The following AGBL1 variants were observed in gnomAD, a reference collection of about 807,000 sequenced individuals.
The protein encoded by AGBL1 is cytosolic carboxypeptidase 4.
A neutral mutation model predicts 118.9 loss-of-function variants in AGBL1; 130 were observed. The ratio of observed to expected loss-of-function variants is 1.09; its 90% CI spans 0.95 to 1.26. The LOEUF is 1.26. AGBL1 is among the 50% of genes most tolerant of loss of function. The pLI is 0.00. For missense variants in AGBL1, 1,584 were observed against 1,298.1 expected, an observed-to-expected ratio of 1.22 and a Z score of -3.38; for synonymous variants, 555 against 478.9, an observed-to-expected ratio of 1.16 and a Z score of -2.08.
At chr15:86,283,856 G>A (rs1009400348) in intron 16 of AGBL1, among the ~76,000 whole-genome samples, 1 of 151,978 alleles carries the variant, frequency 6.6e-6, no homozygotes, top group African/African-American at 2.4e-5. Flanking sequence ...CAGGGTCTTG[G>A]GCACAAAGAA....
chr15:86,200,534 A>C, intron 5 of AGBL1, among the ~76,000 whole-genome samples: 2 of 137,382 alleles, frequency 1.5e-5, no homozygotes, highest in South Asian at 2.4e-4. Flanking sequence ...ATCCTACTCT[A>C]GAGTAATAGA....
intron 1 of AGBL1, among the ~76,000 whole-genome samples, chr15:86,096,276 T>A (rs1896375425): frequency 6.6e-6 from 1 of 152,172 alleles, no homozygotes; most frequent in Non-Finnish European, 1.5e-5. Flanking sequence ...TCAGGTCTGC[T>A]TTCTGTTTTC....
chr15:86,587,020 A>G (rs1013770083), intron 21 of AGBL1, among the ~76,000 whole-genome samples: 22 of 152,186 alleles, frequency 1.4e-4, no homozygotes, highest in Non-Finnish European at 2.9e-5. Flanking sequence ...TAAAAAGGTC[A>G]GAGTCCATTC....
At chr15:86,083,978 G>A (rs1385905007) in intron 1 of AGBL1, among the ~76,000 whole-genome samples, 1 of 152,128 alleles carries the variant, frequency 6.6e-6, no homozygotes, top group Non-Finnish European at 1.5e-5. Flanking sequence ...GACTTTCCAA[G>A]GTTCCCTAGG....
At chr15:86,635,305 CT>C (rs2085062552) in intron 21 of AGBL1, among the ~76,000 whole-genome samples, 1 of 4,622 alleles carries the variant, frequency 2.2e-4, no homozygotes, top group African/African-American at 3.9e-4. Context: ...CCCTCCCCTC[CT>C]CCTCCTCCTC....
chr15:86,117,462 T>C (rs1897835427), intron 1 of AGBL1, among the ~76,000 whole-genome samples: 1 of 152,192 alleles, frequency 6.6e-6, no homozygotes, highest in African/African-American at 2.4e-5. Flanking sequence ...ACTATTGTGT[T>C]GAGCAAGTTT....
chr15:86,861,388 C>G (rs945627422), intron 22 of AGBL1, among the ~76,000 whole-genome samples: 7 of 152,162 alleles, frequency 4.6e-5, no homozygotes, highest in Non-Finnish European at 1.0e-4. Flanking sequence ...GTCTCAAGAA[C>G]AGTTTCTCAT....
intron 21 of AGBL1, among the ~76,000 whole-genome samples, chr15:86,658,705 C>A (rs1364602055): frequency 6.6e-6 from 1 of 152,128 alleles, no homozygotes; most frequent in Non-Finnish European, 1.5e-5. Context: ...ATACAGAAAG[C>A]CATAGCCAGA....
At chr15:86,916,970 A>T (rs561908167), downstream of AGBL1, among the ~76,000 whole-genome samples, 4 of 152,324 alleles carry the variant, frequency 2.6e-5, no homozygotes, top group South Asian at 6.2e-4. Context: ...AAAAATAAAT[A>T]ATAAAACAAA....
chr15:86,782,759 TA>T (rs1432395000), intron 22 of AGBL1, among the ~76,000 whole-genome samples: 11 of 152,226 alleles, frequency 7.2e-5, no homozygotes. Context: ...AACATTTTTA[TA>T]AATGTTGAGA....
chr15:86,943,128 C>A (rs2080775741), intron 23 of AGBL1, among the ~76,000 whole-genome samples: 1 of 152,178 alleles, frequency 6.6e-6, no homozygotes, highest in African/African-American at 2.4e-5. Flanking sequence ...GCTCTAAAAT[C>A]TCAGGTACTT....
chr15:86,192,818 G>A (rs1197672251), intron 5 of AGBL1, among the ~76,000 whole-genome samples: 2 of 151,998 alleles, frequency 1.3e-5, no homozygotes, highest in Admixed American at 1.3e-4. Context: ...AAATATAGGT[G>A]AAAAATGCAG....
At chr15:86,124,112 T>C (rs949429999) in intron 1 of AGBL1, among the ~76,000 whole-genome samples, 8 of 151,980 alleles carry the variant, frequency 5.3e-5, no homozygotes, top group Admixed American at 5.2e-4. Context: ...GGCAGATCAC[T>C]TGAGGCCAGG....
intron 22 of AGBL1, among the ~76,000 whole-genome samples, chr15:86,782,721 A>C (rs1315723082): frequency 6.6e-6 from 1 of 151,790 alleles, no homozygotes; most frequent in Non-Finnish European, 1.5e-5. Context: ...GCAATAGGGA[A>C]GTAAGAAAAA....
chr15:86,569,695 T>A (rs1471791446), intron 21 of AGBL1, among the ~76,000 whole-genome samples: 1 of 152,196 alleles, frequency 6.6e-6, no homozygotes, highest in African/African-American at 2.4e-5. Context: ...CATGATAGAA[T>A]ATTAAAAGGA....
chr15:86,637,832 T>TAA (rs2085122482), intron 21 of AGBL1, among the ~76,000 whole-genome samples: 1 of 152,216 alleles, frequency 6.6e-6, no homozygotes, highest in Admixed American at 6.5e-5. Context: ...CATGAGACTG[T>TAA]AAGTTCTTTG....
intron 22 of AGBL1, among the ~76,000 whole-genome samples, chr15:86,893,777 G>A (rs1037187846): frequency 2.6e-5 from 4 of 152,150 alleles, no homozygotes; most frequent in African/African-American, 9.7e-5. Context: ...AAATTCAGTC[G>A]AGTGACTATG....
At chr15:86,134,158 C>A (rs1271693881) in intron 1 of AGBL1, among the ~76,000 whole-genome samples, 1 of 152,196 alleles carries the variant, frequency 6.6e-6, no homozygotes, top group East Asian at 1.9e-4. Flanking sequence ...TGTTATATAA[C>A]CATTTTTAGT....
chr15:86,612,095 T>C (rs1339309324), intron 21 of AGBL1, among the ~76,000 whole-genome samples: 17 of 152,004 alleles, frequency 1.1e-4, no homozygotes, highest in Admixed American at 1.1e-3. Flanking sequence ...GAGAGAACCA[T>C]CACCCTCAGC....
Sources: gnomAD v4.1 joint callset for allele counts (sites outside exome capture counted in the v4.1 genomes callset) on GRCh38, gnomAD v4.1.1 for gene constraint, MANE v1.5 for transcripts, NCBI Gene and HGNC (gene_info 2026-07-23, HGNC 2026-07-21) for gene names.